Variants in GNA11 observed in about 807,000 individuals in gnomAD.
The protein encoded by GNA11 is G protein subunit alpha 11.
A neutral mutation model predicts 38.2 loss-of-function variants in GNA11; 8 were observed. The observed-to-expected ratio is 0.21, with a 90% CI of 0.12 to 0.38. GNA11 has a LOEUF of 0.38. Ranked by LOEUF, GNA11 falls within the 10% of genes least tolerant of loss-of-function variation. GNA11 has a pLI of 1.00. For missense variants in GNA11, 268 were observed against 516.3 expected, an observed-to-expected ratio of 0.52 and a Z score of 4.66; for synonymous variants, 211 against 221.4, an observed-to-expected ratio of 0.95 and a Z score of 0.42.
chr19:3,104,423 C>G (rs918743468), intron 1 of GNA11, among the ~76,000 whole-genome samples: 1 of 152,316 alleles, frequency 6.6e-6, no homozygotes, highest in South Asian at 2.1e-4. Context: ...CGTCTGGGGT[C>G]CACTGTGGGG....
At chr19:3,098,014 G>C (rs79453450) in intron 1 of GNA11, among the ~76,000 whole-genome samples, 3,935 of 152,344 alleles carry the variant, frequency 0.026, 120 homozygotes, top group African/African-American at 0.067. Flanking sequence ...AACGTAAAAT[G>C]CTCGTGGCAA....
Position 3,118,984 on chromosome 19 carries a change from C to T in GNA11, c.666C>T (p.Asn222=), listed in dbSNP as rs754620313. Residue 222 remains asparagine (N), a synonymous_variant, in exon 5 of 7, where the codon AAC becomes AAT. Transcript: ENST00000078429. ...ERRKWIHCFE[N]VTSIMFLVAL... is the part of the protein sequence containing the mutation. ...GGAAGTGGATCCACTGCTTTGAGAACGTGACATCCATCATGTTTCTCGTCG... is the reference window on the plus strand; with the variant it reads ...GGAAGTGGATCCACTGCTTTGAGAATGTGACATCCATCATGTTTCTCGTCG... 3.2e-5 allele frequency: 52 copies of T among 1,613,206 alleles called. No individual in the cohort carries two copies. The highest frequency in any genetic ancestry group is 4.2e-5 in the Non-Finnish European group (49 of 1,179,330).
In GNA11 at chr19:3,123,141, G is replaced by A. The variant is rs529766693; in HGVS notation, c.*1962G>A. On this transcript the variant is annotated 3_prime_UTR_variant, in exon 7 of 7. Coordinates refer to ENST00000078429, the MANE Select transcript of GNA11 (RefSeq NM_002067.5). ...TTTTCCAGCAGCGGAGCCCTCTGGG[G>A]GGCCTGTGCTTGTGGCATCTCTGAG... is the stretch of plus-strand genomic sequence containing the variant. The A allele has an allele frequency of 8.6e-6, 2 of 233,264 alleles. No individual in the cohort carries two copies. The highest frequency in any genetic ancestry group is 4.4e-5 in the African/African-American group (2 of 45,480). The allele number at this position is 233,264 out of a possible 1,614,324, so 14.4% of individuals were successfully genotyped here.
At chr19:3,114,388 C>T (rs986540343) in intron 3 of GNA11, among the ~76,000 whole-genome samples, 3 of 152,142 alleles carry the variant, frequency 2.0e-5, no homozygotes, top group East Asian at 1.9e-4. Context: ...CCAAGGAAGC[C>T]GGAATCAAGC....
At chr19:3,101,558 G>T (rs577565382) in intron 1 of GNA11, among the ~76,000 whole-genome samples, 1 of 74 alleles carries the variant, frequency 0.014, no homozygotes, top group Non-Finnish European at 0.029. Context: ...TCTGGAGAGG[G>T]GGCCTGGGCT....
rs1374525569 is a variant in GNA11 at position 3,094,792 on chromosome 19, G to T, written c.136+5G>T. ...AGCTCAAGCTGCTGCTGCTCGGTGA[G>T]TGCGGCCCCCGGGCCTGCCGGCTGC... On this transcript the variant is annotated splice_donor_5th_base_variant and intron_variant, in intron 1 of 6. Coordinates refer to ENST00000078429, the MANE Select transcript of GNA11 (RefSeq NM_002067.5). This position sits in a 1 kb window ranked among gnomAD's most constrained non-coding sequence, Gnocchi z 6.0. 1.9e-6 allele frequency: 3 copies of T among 1,573,142 alleles called. No individual in the cohort carries two copies.
intron 1 of GNA11, among the ~76,000 whole-genome samples, chr19:3,105,520 G>C (rs1599299424): frequency 6.6e-6 from 1 of 152,108 alleles, no homozygotes; most frequent in South Asian, 2.1e-4. Flanking sequence ...GTCCTCATGC[G>C]GACGGGATCC....
Position 3,122,320 on chromosome 19 carries a change from C to T in GNA11, c.*1141C>T, listed in dbSNP as rs775862083. 4.7e-5 allele frequency: 11 copies of T among 232,380 alleles called. No individual in the cohort carries two copies. The highest frequency in any genetic ancestry group is 1.8e-4 in the South Asian group (1 of 5,524). 14.4% of individuals were successfully genotyped at this position (232,380 alleles called of 1,614,324 possible). ...CCAAGCACTTGCGCCCGCCCCCGAGCGCCGCCCCCGGGGAGCGGGAAGCCA... is the reference window on the plus strand; with the variant it reads ...CCAAGCACTTGCGCCCGCCCCCGAGTGCCGCCCCCGGGGAGCGGGAAGCCA... On this transcript the variant is annotated 3_prime_UTR_variant, in exon 7 of 7. Coordinates refer to ENST00000078429, the MANE Select transcript of GNA11 (RefSeq NM_002067.5). The surrounding 1 kb of genome is among the most constrained non-coding windows in gnomAD (Gnocchi z 7.7).
intron 4 of GNA11, chr19:3,118,145 G>T: frequency 6.6e-6 from 1 of 152,394 alleles, no homozygotes; most frequent in Non-Finnish European, 1.5e-5. Flanking sequence ...CCTCGGCAGA[G>T]TTGCAGGGAC....
chr19:3,119,504 CAG>C lies in GNA11; in HGVS notation c.889+146_889+147del. ...GGTGTCATGTATGGGAGTGGAGTCT[CAG>C]GGAAGGGAGATCTCGTATGAGGGGG... On this transcript the variant is annotated intron_variant, in intron 6 of 6. Transcript: ENST00000078429. This position sits in a 1 kb window ranked among gnomAD's most constrained non-coding sequence, Gnocchi z 4.6. 1 of 645,710 alleles carries C rather than the reference CAG, an allele frequency of 1.5e-6. No individual in the cohort carries two copies. The highest frequency in any genetic ancestry group is 1.9e-5 in the African/African-American group (1 of 51,870). The allele number at this position is 645,710 out of a possible 1,614,324, so 40.0% of individuals were successfully genotyped here.
intron 1 of GNA11, among the ~76,000 whole-genome samples, chr19:3,097,710 C>G (rs2145303699): frequency 6.6e-6 from 1 of 152,346 alleles, no homozygotes; most frequent in South Asian, 2.1e-4. Flanking sequence ...GGGGCTCCGG[C>G]TGCCGTGCCG....
rs1914118097 is a variant in GNA11, at chr19:3,122,814, G to T, written c.*1635G>T. 3 of 233,728 alleles carry T rather than the reference G, an allele frequency of 1.3e-5. No individual in the cohort carries two copies. The East Asian group carries it at 1.8e-4, about 14-fold the overall frequency. 14.5% of individuals were successfully genotyped at this position (233,728 alleles called of 1,614,324 possible). On this transcript the variant is annotated 3_prime_UTR_variant, in exon 7 of 7. Transcript: ENST00000078429. The surrounding 1 kb of genome is among the most constrained non-coding windows in gnomAD (Gnocchi z 7.7). ...CTGTCAGGCCTGCCCTGGCCTCCTC[G>T]TCCGCAGGGCTGTCTGCTGGCTTCT...
chr19:3,118,406 C>T (rs1367837986), intron 4 of GNA11: 10 of 155,578 alleles, frequency 6.4e-5, no homozygotes, highest in Admixed American at 1.9e-4. Context: ...CAGGGCGCTG[C>T]GCCTGCTCTT....
intron 1 of GNA11, among the ~76,000 whole-genome samples, chr19:3,105,224 T>G (rs926749807): frequency 8.6e-5 from 13 of 151,408 alleles, no homozygotes; most frequent in Admixed American, 8.6e-4. Flanking sequence ...GCCGGACCCC[T>G]GGCTGGATCC....
At chr19:3,104,693 A>C (rs905221217) in intron 1 of GNA11, among the ~76,000 whole-genome samples, 1 of 152,248 alleles carries the variant, frequency 6.6e-6, no homozygotes, top group South Asian at 2.1e-4. Flanking sequence ...CCTTCTGCAT[A>C]GGGGCTAGGG....
chr19:3,113,295 C>T (rs754954665), intron 2 of GNA11, 35 bp from the exon 3 acceptor site: 11 of 1,604,234 alleles, frequency 6.9e-6, no homozygotes, highest in Admixed American at 3.3e-5. Context: ...GTGGCCCCAG[C>T]GAGCTCTCGA....
At chr19:3,099,501 T>C (rs1474620158) in intron 1 of GNA11, among the ~76,000 whole-genome samples, 1 of 152,178 alleles carries the variant, frequency 6.6e-6, no homozygotes, top group Non-Finnish European at 1.5e-5. Flanking sequence ...TGCAGGTGCA[T>C]GTAGCTCCTG....
rs867068960 is a variant in GNA11, at chr19:3,120,739, G to C, written c.890-250G>C. 6.6e-6 allele frequency among the ~76,000 whole-genome samples: 1 copy of C among 152,138 alleles called. No individual in the cohort carries two copies. The highest frequency in any genetic ancestry group is 6.5e-5 in the Admixed American group (1 of 15,282). On this transcript the variant is annotated intron_variant, in intron 6 of 6. Transcript: ENST00000078429. The surrounding 1 kb of genome is among the most constrained non-coding windows in gnomAD (Gnocchi z 5.9). ...CAGAGGGCTGAGCAGAGGGAGCAGC[G>C]GTGGGTGCAGAGCCCCAGGTTGGAG...
At chr19:3,095,669 C>T (rs75724334) in intron 1 of GNA11, among the ~76,000 whole-genome samples, 2,225 of 152,282 alleles carry the variant, frequency 0.015, 18 homozygotes, top group African/African-American at 0.029. Context: ...TTCCTCTCCT[C>T]AGGGTTCCGC....
Sources: allele counts gnomAD v4.1 joint callset (sites outside exome capture counted in the v4.1 genomes callset), GRCh38; gene constraint gnomAD v4.1.1; non-coding constraint Gnocchi (gnomAD v3.1); transcripts MANE v1.5; gene names NCBI Gene and HGNC (gene_info 2026-07-23, HGNC 2026-07-21).